OR2K2: variants seen among roughly 807,000 people sequenced by gnomAD.
OR2K2 encodes the protein olfactory receptor 2K2.
In OR2K2, 7 loss-of-function variants were observed where a neutral mutation model predicts 11.1. The ratio of observed to expected loss-of-function variants is 0.63; its 90% confidence interval spans 0.36 to 1.19. The LOEUF is 1.19. Ranked by LOEUF, OR2K2 falls within the 50% of genes most tolerant of loss-of-function variation. The pLI, the probability that OR2K2 is intolerant of heterozygous loss-of-function variation, is 0.02. For synonymous variants in OR2K2, 152 were observed against 150.8 expected, an observed-to-expected ratio of 1.01 and a Z score of -0.06; for missense variants, 391 against 383.4, an observed-to-expected ratio of 1.02 and a Z score of -0.17.
chr9:111,329,285 T>C (rs2098102202), intron 1 of OR2K2, among the ~76,000 whole-genome samples: 1 of 152,158 alleles, frequency 6.6e-6, no homozygotes, highest in South Asian at 2.1e-4. Flanking sequence ...AGCTAACAGT[T>C]TGGGGGGGCT....
intron 1 of OR2K2, 134 bp from the exon 2 acceptor site, chr9:111,328,616 G>A: frequency 1.7e-6 from 1 of 591,046 alleles, no homozygotes; most frequent in Non-Finnish European, 3.0e-6. Context: ...ATGTAAGGGG[G>A]GGAGCAGGTT....
chr9:111,328,088 C>A lies in OR2K2; in HGVS notation c.346G>T (p.Ala116Ser). 1 of 1,614,130 alleles carries A rather than the reference C, an allele frequency of 6.2e-7. No individual in the cohort carries two copies. The highest frequency in any genetic ancestry group is 1.1e-5 in the South Asian group (1 of 91,078). ...ACATAACGGTCATATGCCATCACGG[C>A]CAGGAGCACACACTCTGTGGAGCCC... is the stretch of plus-strand genomic sequence containing the variant. ...AMGSTECVLLAVMAYDRYVAI... is the reference protein window; with the variant it reads ...AMGSTECVLLSVMAYDRYVAI... The change falls in exon 2 of 2, where the codon GCC becomes TCC. Residue 116 changes from alanine to serine, a missense_variant. By Grantham distance (99) the Ala-to-Ser change is moderately conservative. Coordinates refer to ENST00000302681, the MANE Select transcript of OR2K2 (RefSeq NM_205859.2).
In OR2K2 at chr9:111,327,495, G is replaced by C. The variant is rs201533635; in HGVS notation, c.939C>G (p.His313Gln). The C allele has an allele frequency of 6.3e-7, 1 of 1,599,934 alleles. No individual in the cohort carries two copies. Among genetic ancestry groups the C allele is most frequent in the Admixed American group, 1.7e-5 (1 of 58,330 alleles). Reference protein sequence around the residue: ...LLGKITLHQTHEHL With the variant: ...LLGKITLHQTQEHL ...CATAGGGACCCAATCAGAGATGTTC[G>C]TGTGTTTGATGCAATGTTATTTTGC... is the stretch of plus-strand genomic sequence containing the variant. Residue 313 changes from histidine to glutamine, a missense_variant, in exon 2 of 2, where the codon CAC becomes CAG. Transcript: ENST00000302681.
Position 111,327,447 on chromosome 9 carries a change from C to A in OR2K2, c.*36G>T, listed in dbSNP as rs1198172927. 1 of 1,394,784 alleles carries A rather than the reference C, an allele frequency of 7.2e-7. No homozygotes were observed. Among genetic ancestry groups the A allele is most frequent in the African/African-American group, 1.4e-5 (1 of 69,610 alleles). 86.4% of individuals were successfully genotyped at this position (1,394,784 alleles called of 1,614,324 possible). On this transcript the variant is annotated 3_prime_UTR_variant, in exon 2 of 2. Coordinates refer to ENST00000302681, the MANE Select transcript of OR2K2 (RefSeq NM_205859.2). ...CTCGAATTTCTCTGATGAGCTCTGC[C>A]AGGGGCACATCTCTGGTAAAACCAT... is the stretch of plus-strand genomic sequence containing the variant.
At position 111,327,490 on chromosome 9, in the gene OR2K2, T is replaced by C. The variant is rs755249982; in HGVS notation, c.944A>G (p.His315Arg). The C allele has an allele frequency of 8.8e-6, 14 of 1,595,234 alleles. 1 individual carries two copies. In the South Asian group the frequency reaches 1.0e-4, roughly 12 times the overall value. ...GKITLHQTHE[H>R]L ...AAAACCATAGGGACCCAATCAGAGATGTTCGTGTGTTTGATGCAATGTTAT... is the reference window on the plus strand; with the variant it reads ...AAAACCATAGGGACCCAATCAGAGACGTTCGTGTGTTTGATGCAATGTTAT... Residue 315 changes from histidine (H) to arginine (R), a missense_variant, in exon 2 of 2, where the codon CAT becomes CGT. Transcript: ENST00000302681.
chr9:111,328,583 A>G (rs1677054217), intron 1 of OR2K2, 101 bp from the exon 2 acceptor site: 1 of 631,732 alleles, frequency 1.6e-6, no homozygotes, highest in Non-Finnish European at 2.7e-6. Context: ...ACTACAAGAA[A>G]TCACAGGATA....
In OR2K2 at chr9:111,327,548, C is replaced by T. The variant is rs776617794; in HGVS notation, c.886G>A (p.Val296Ile). ...AGCAATTTCTTCATAGCATCTTTGA[C>T]TTCCTTGTTTCTTAAACTGTAAATT... ...PIIYSLRNKE[V>I]KDAMKKLLGK... Residue 296 changes from valine to isoleucine, a missense_variant, in exon 2 of 2, where the codon GTC (valine) becomes ATC (isoleucine). By Grantham distance (29) the Val-to-Ile change is conservative. Transcript: ENST00000302681. 3 of 1,612,226 alleles carry T rather than the reference C, an allele frequency of 1.9e-6. No individual in the cohort carries two copies. The South Asian group carries it at 3.3e-5, about 18-fold the overall frequency.
In OR2K2 at chr9:111,327,442, TCTG is replaced by T. The variant is rs772491554; in HGVS notation, c.*38_*40del. 1 of 1,337,088 alleles carries T rather than the reference TCTG, an allele frequency of 7.5e-7. No individual in the cohort carries two copies. The highest frequency in any genetic ancestry group is 2.1e-5 in the Admixed American group (1 of 46,936). The allele number at this position is 1,337,088 out of a possible 1,614,324, so 82.8% of individuals were successfully genotyped here. A position where few individuals can be genotyped will look rare whatever the true frequency, so the allele number is the denominator to read the frequency against. On this transcript the variant is annotated 3_prime_UTR_variant, in exon 2 of 2. Coordinates refer to ENST00000302681, the MANE Select transcript of OR2K2 (RefSeq NM_205859.2). ...GTTGTCTCGAATTTCTCTGATGAGC[TCTG>T]CCAGGGGCACATCTCTGGTAAAACC...
Position 111,328,449 on chromosome 9 carries a change from T to A in OR2K2, c.-16A>T. Reference sequence around the variant, plus strand: ...CTCCTTGCATTTTCTTTCTTTCATCTATATTTCTTCCAGTACTATTCCCTT... The same window carrying A: ...CTCCTTGCATTTTCTTTCTTTCATCAATATTTCTTCCAGTACTATTCCCTT... On this transcript the variant is annotated 5_prime_UTR_variant, in exon 2 of 2. It removes the in-frame stop codon of an upstream open reading frame in the 5' UTR. Transcript: ENST00000302681. 1 of 1,529,152 alleles carries A rather than the reference T, an allele frequency of 6.5e-7. No homozygotes were observed. Among genetic ancestry groups the A allele is most frequent in the Non-Finnish European group, 9.0e-7 (1 of 1,112,776 alleles). 94.7% of individuals were successfully genotyped at this position (1,529,152 alleles called of 1,614,324 possible).
Position 111,327,911 on chromosome 9 carries a change from G to A in OR2K2, c.523C>T (p.His175Tyr), listed in dbSNP as rs779973973. The change falls in exon 2 of 2, where the codon CAC becomes TAC. Residue 175 changes from histidine to tyrosine, a missense_variant. By Grantham distance (83) the His-to-Tyr change is moderately conservative. Coordinates refer to ENST00000302681, the MANE Select transcript of OR2K2 (RefSeq NM_205859.2). ...ACCGCCAGAATTTCACACGTGAAGTGATCGATGAGATTCCCACAGAGGGGT... is the reference window on the plus strand; with the variant it reads ...ACCGCCAGAATTTCACACGTGAAGTAATCGATGAGATTCCCACAGAGGGGT... ...QIPLCGNLIDHFTCEILAVLK... is the reference protein window; with the variant it reads ...QIPLCGNLIDYFTCEILAVLK... 6 of 1,614,198 alleles carry A rather than the reference G, an allele frequency of 3.7e-6. No individual in the cohort carries two copies. Among genetic ancestry groups the A allele is most frequent in the Non-Finnish European group, 5.1e-6 (6 of 1,180,048 alleles).
At position 111,328,311 on chromosome 9, in the gene OR2K2, GC is replaced by G. The variant is rs1564481508; in HGVS notation, c.122del (p.Gly41AlafsTer7). The G allele has an allele frequency of 6.2e-7, 1 of 1,614,016 alleles. No homozygotes were observed. The highest frequency in any genetic ancestry group is 1.7e-5 in the Admixed American group (1 of 60,010). On this transcript the variant is annotated frameshift_variant, in exon 2 of 2. Coordinates refer to ENST00000302681, the MANE Select transcript of OR2K2 (RefSeq NM_205859.2). LOFTEE classifies it high-confidence loss of function. ...TAGTGATCAAAATAAGAGTGCTGTT[GC>G]CCAAGAGCGTTGTCAGATACATTAC... ...SLVMYLTTLL[G>X]NSTLILITIL...
chr9:111,328,225 T>C lies in OR2K2; in HGVS notation c.209A>G (p.Asp70Gly), dbSNP rs2098101851. ...AACAGAGGCAGATGTGTAACAAATA[T>C]CCATGAAAGAGAGATTTCCAAGGAA... ...YLFLGNLSFM[D>G]ICYTSASVPT... is the part of the protein sequence containing the mutation. Residue 70 changes from aspartate to glycine, a missense_variant, in exon 2 of 2, where the codon GAT becomes GGT. Transcript: ENST00000302681. The C allele has an allele frequency of 6.2e-7, 1 of 1,614,108 alleles. No individual in the cohort carries two copies. The highest frequency in any genetic ancestry group is 1.1e-5 in the South Asian group (1 of 91,076).
rs143915490 is a variant in OR2K2 at position 111,328,271 on chromosome 9, G to T, written c.163C>A (p.Leu55Ile). Residue 55 changes from leucine (L) to isoleucine (I), a missense_variant, in exon 2 of 2, where the codon CTT (leucine) becomes ATT (isoleucine). Coordinates refer to ENST00000302681, the MANE Select transcript of OR2K2 (RefSeq NM_205859.2). ...AGGAATAAGTACATGGGGGTTTTAA[G>T]GCGTGAATCTAGGATAGTGATCAAA... ...LILITILDSR[L>I]KTPMYLFLGN... 9.0e-5 allele frequency: 146 copies of T among 1,614,160 alleles called. No individual in the cohort carries two copies. The African/African-American group carries it at 1.8e-3, about 20-fold the overall frequency.
rs1247210519 is a variant in OR2K2, at chr9:111,327,611, A to G, written c.823T>C (p.Leu275=). ...ATAGGGGTAAGCACTCCGTAAAGCA[A>G]CGAGATGATTTTGTCTATTTTTTGT... ...NAQKIDKIIS[L]LYGVLTPMLN... The change falls in exon 2 of 2, where the codon TTG becomes CTG. Residue 275 remains leucine, a synonymous_variant. Coordinates refer to ENST00000302681, the MANE Select transcript of OR2K2 (RefSeq NM_205859.2). 5 of 1,614,088 alleles carry G rather than the reference A, an allele frequency of 3.1e-6. No individual in the cohort carries two copies. In the African/African-American group the frequency reaches 5.3e-5, roughly 17 times the overall value.
In OR2K2 at chr9:111,327,463, G is replaced by A; in HGVS notation, c.*20C>T. On this transcript the variant is annotated 3_prime_UTR_variant, in exon 2 of 2. Coordinates refer to ENST00000302681, the MANE Select transcript of OR2K2 (RefSeq NM_205859.2). Reference sequence around the variant, plus strand: ...GAGCTCTGCCAGGGGCACATCTCTGGTAAAACCATAGGGACCCAATCAGAG... The same window carrying A: ...GAGCTCTGCCAGGGGCACATCTCTGATAAAACCATAGGGACCCAATCAGAG... 1 of 1,525,930 alleles carries A rather than the reference G, an allele frequency of 6.6e-7. No individual in the cohort carries two copies. Among genetic ancestry groups the A allele is most frequent in the African/African-American group, 1.4e-5 (1 of 72,422 alleles). 94.5% of individuals were successfully genotyped at this position (1,525,930 alleles called of 1,614,324 possible). A position where few individuals can be genotyped will look rare whatever the true frequency, so the allele number is the denominator to read the frequency against.
chr9:111,328,657 A>C (rs899881071), intron 1 of OR2K2, 175 bp from the exon 2 acceptor site: 5 of 541,314 alleles, frequency 9.2e-6, no homozygotes, highest in Admixed American at 3.5e-5. Flanking sequence ...TCCACAACAA[A>C]ATTTAGAAAA....
chr9:111,329,861 C>T (rs1165390931), intron 1 of OR2K2, among the ~76,000 whole-genome samples: 1 of 152,124 alleles, frequency 6.6e-6, no homozygotes, highest in Non-Finnish European at 1.5e-5. Flanking sequence ...ACTCATATTG[C>T]CTTTTAATAA....
At position 111,328,245 on chromosome 9, in the gene OR2K2, A is replaced by G; in HGVS notation, c.189T>C (p.Leu63=). ...SRLKTPMYLF[L]GNLSFMDICY... ...AAATATCCATGAAAGAGAGATTTCC[A>G]AGGAATAAGTACATGGGGGTTTTAA... The change falls in exon 2 of 2, where the codon CTT becomes CTC. Residue 63 remains leucine, a synonymous_variant. Coordinates refer to ENST00000302681, the MANE Select transcript of OR2K2 (RefSeq NM_205859.2). 6.2e-7 allele frequency: 1 copy of G among 1,614,180 alleles called. No individual in the cohort carries two copies. Among genetic ancestry groups the G allele is most frequent in the Non-Finnish European group, 8.5e-7 (1 of 1,180,018 alleles).
chr9:111,327,834 C>T lies in OR2K2; in HGVS notation c.600G>A (p.Val200=), dbSNP rs1399699960. Residue 200 remains valine, a synonymous_variant, in exon 2 of 2, where the codon GTG becomes GTA. Coordinates refer to ENST00000302681, the MANE Select transcript of OR2K2 (RefSeq NM_205859.2). Reference sequence around the variant, plus strand: ...GAATTGGCAAGAGGAGAATGCTGACCACCAGCATGATGGTGTTCATGAGCA... The same window carrying T: ...GAATTGGCAAGAGGAGAATGCTGACTACCAGCATGATGGTGTTCATGAGCA... ...SSLLMNTIML[V]VSILLLPIPM... 1 of 1,614,048 alleles carries T rather than the reference C, an allele frequency of 6.2e-7. No homozygotes were observed. Among genetic ancestry groups the T allele is most frequent in the East Asian group, 2.2e-5 (1 of 44,884 alleles).
Sources: gnomAD v4.1 joint callset for allele counts (sites outside exome capture counted in the v4.1 genomes callset) on GRCh38, gnomAD v4.1.1 for gene constraint, MANE v1.5 for transcripts, NCBI Gene and HGNC (gene_info 2026-07-23, HGNC 2026-07-21) for gene names.